The following METTL6 variants were observed in gnomAD, a reference collection of about 807,000 sequenced individuals.
METTL6 encodes methyltransferase 6, tRNA N3-cytidine.
METTL6 carries 22 observed loss-of-function variants against 26.4 expected under a neutral mutation model. That is an observed-to-expected ratio of 0.83 (90% CI 0.59 to 1.19). The LOEUF is 1.19. Ranked by LOEUF, METTL6 falls within the 50% of genes most tolerant of loss-of-function variation. The probability of loss-of-function intolerance (pLI) is 0.00; values close to 1 mark genes in which losing one functional copy is unlikely to be tolerated. For synonymous variants in METTL6, 109 were observed against 116.2 expected (o/e 0.94, Z 0.40); for missense variants, 304 against 324.8 (o/e 0.94, Z 0.49).
chr3:15,420,461 T>C (rs1437636337), intron 3 of METTL6, among the ~76,000 whole-genome samples: 8 of 152,186 alleles, frequency 5.3e-5, no homozygotes, highest in Admixed American at 1.3e-4. Flanking sequence ...CACTGAAATA[T>C]TACCTTTTGG....
intron 3 of METTL6, among the ~76,000 whole-genome samples, chr3:15,420,737 T>G (rs2061593419): frequency 6.6e-6 from 1 of 152,238 alleles, no homozygotes; most frequent in African/African-American, 2.4e-5. Flanking sequence ...GTAGAGTCAG[T>G]AACCTAATAC....
intron 6 of METTL6, among the ~76,000 whole-genome samples, chr3:15,398,197 ATT>A (rs113613716): frequency 9.6e-4 from 140 of 146,378 alleles, no homozygotes; most frequent in East Asian, 6.8e-3. Flanking sequence ...CAATGCTGAG[ATT>A]TTTTTTTTTT....
chr3:15,415,292 T>C (rs1221861374), intron 4 of METTL6, among the ~76,000 whole-genome samples: 1 of 152,258 alleles, frequency 6.6e-6, no homozygotes, highest in Non-Finnish European at 1.5e-5. Flanking sequence ...CGGAAACCAA[T>C]ACTCAACAGG....
intron 3 of METTL6, among the ~76,000 whole-genome samples, chr3:15,424,041 TACAA>T (rs2061666402): frequency 6.6e-6 from 1 of 152,104 alleles, no homozygotes; most frequent in Non-Finnish European, 1.5e-5. Flanking sequence ...ACCCCATCTC[TACAA>T]ACAATTAAAA....
chr3:15,388,089 TTTG>T (rs71632851), intron 6 of METTL6, among the ~76,000 whole-genome samples: 55,037 of 150,312 alleles, frequency 0.37, 10,289 homozygotes, highest in East Asian at 0.49. Context: ...AAATAAGAGT[TTTG>T]TTGTTGTTGT....
chr3:15,390,780 C>G (rs541644317), intron 6 of METTL6, among the ~76,000 whole-genome samples: 1 of 152,344 alleles, frequency 6.6e-6, no homozygotes, highest in South Asian at 2.1e-4. Flanking sequence ...CCTCTCAACA[C>G]CCAGGTTCTT....
chr3:15,427,078 A>G (rs1263947888), intron 1 of METTL6, among the ~76,000 whole-genome samples: 1 of 152,146 alleles, frequency 6.6e-6, no homozygotes, highest in Non-Finnish European at 1.5e-5. Flanking sequence ...GGGGGAAATG[A>G]AGCTAAGCCT....
At chr3:15,416,808 G>T (rs1299303232) in intron 3 of METTL6, among the ~76,000 whole-genome samples, 1 of 152,138 alleles carries the variant, frequency 6.6e-6, no homozygotes, top group African/African-American at 2.4e-5. Context: ...TCATGTAAAT[G>T]AGGACCTGAA....
At chr3:15,422,685 G>A (rs1383551683) in intron 3 of METTL6, among the ~76,000 whole-genome samples, 5 of 152,028 alleles carry the variant, frequency 3.3e-5, no homozygotes, top group Admixed American at 6.6e-5. Context: ...AAAGTCTAAC[G>A]AATGCTAAAA....
intron 6 of METTL6, among the ~76,000 whole-genome samples, chr3:15,393,694 T>C (rs1479462187): frequency 6.6e-6 from 1 of 152,038 alleles, no homozygotes; most frequent in Non-Finnish European, 1.5e-5. Context: ...TTATTGAGAG[T>C]TTTTAGCATG....
exon 7 of METTL6, chr3:15,384,090 A>C: frequency 5.0e-6 from 2 of 401,430 alleles, no homozygotes; most frequent in Non-Finnish European, 9.6e-6. Context: ...ACTGAAAACA[A>C]TATCATACTG....
chr3:15,414,092 T>G lies in METTL6; in HGVS notation c.602A>C (p.Lys201Thr), dbSNP rs943235556. 6.2e-7 allele frequency: 1 copy of G among 1,614,210 alleles called. No individual in the cohort carries two copies. The highest frequency in any genetic ancestry group is 1.7e-5 in the Admixed American group (1 of 60,018). ...GLYDHAMLRFKASSKLGENFY... is the reference protein window; with the variant it reads ...GLYDHAMLRFTASSKLGENFY... Reference sequence around the variant, plus strand: ...GTTTTCTCCAAGTTTGCTGCTGGCTTTAAACCTAAGCATGGCATGATCATA... The same window carrying G: ...GTTTTCTCCAAGTTTGCTGCTGGCTGTAAACCTAAGCATGGCATGATCATA... The change falls in exon 5 of 6, where the codon AAA (lysine) becomes ACA (threonine). Residue 201 changes from lysine (K) to threonine (T), a missense_variant. Transcript: ENST00000383790.
At chr3:15,399,581 T>TGTGTG (rs1553626233) in intron 6 of METTL6, 18 of 118,892 alleles carry the variant, frequency 1.5e-4, no homozygotes, top group South Asian at 1.1e-3. Context: ...TGTGTGTGTG[T>TGTGTG]TGGAGGCTGG....
At chr3:15,400,877 T>G (rs1699621315) in intron 6 of METTL6, among the ~76,000 whole-genome samples, 1 of 152,194 alleles carries the variant, frequency 6.6e-6, no homozygotes, top group Non-Finnish European at 1.5e-5. Flanking sequence ...TAAACATAAC[T>G]GAAACTATAC....
chr3:15,413,654 G>C (rs1232072112), intron 5 of METTL6: 5 of 1,183,798 alleles, frequency 4.2e-6, no homozygotes, highest in African/African-American at 3.2e-5. Context: ...CCATGGGAAA[G>C]TAATCTCAAG....
At chr3:15,388,682 G>A (rs1364159044) in intron 6 of METTL6, among the ~76,000 whole-genome samples, 1 of 152,194 alleles carries the variant, frequency 6.6e-6, no homozygotes, top group Non-Finnish European at 1.5e-5. Flanking sequence ...GCATCCAGCT[G>A]TATGACTCCT....
intron 3 of METTL6, among the ~76,000 whole-genome samples, chr3:15,423,857 C>T (rs2061661830): frequency 6.6e-6 from 1 of 152,032 alleles, no homozygotes; most frequent in Admixed American, 6.6e-5. Flanking sequence ...GCACTCTAGC[C>T]TGGGTGAGAG....
Position 15,386,176 on chromosome 3 carries a change from A to G in METTL6, c.*12-1989T>C, listed in dbSNP as rs1699187229. ...ACTGAGGGTTCCTCCCCTTTTTAGAATATGTAGGGTAACTTCCAGGCACTG... is the reference window on the plus strand; with the variant it reads ...ACTGAGGGTTCCTCCCCTTTTTAGAGTATGTAGGGTAACTTCCAGGCACTG... On this transcript the variant is annotated intron_variant, in intron 6 of 6. Transcript: ENST00000443029. Among the ~76,000 whole-genome samples the G allele has an allele frequency of 2.6e-5, 4 of 152,164 alleles. No homozygotes were observed. In the South Asian group the frequency reaches 8.3e-4, roughly 31 times the overall value.
chr3:15,425,003 G>A lies in METTL6; in HGVS notation c.312C>T (p.Ile104=). The A allele has an allele frequency of 1.2e-6, 2 of 1,614,128 alleles. No homozygotes were observed. The highest frequency in any genetic ancestry group is 1.7e-6 in the Non-Finnish European group (2 of 1,180,016). The stretch of plus-strand genomic sequence containing the variant: ...GAGAAAAATCACAGGCATAGGCAAA[G>A]ATATTCGGATCTTCTTCTAAAAGTG... ...LFPLLEEDPN[I]FAYACDFSPR... The change falls in exon 3 of 6, where the codon ATC becomes ATT. Residue 104 remains isoleucine, a synonymous_variant. Coordinates refer to ENST00000383790, the MANE Select transcript of METTL6 (RefSeq NM_152396.4).
Sources: gnomAD v4.1 joint callset for allele counts (sites outside exome capture counted in the v4.1 genomes callset) on GRCh38, gnomAD v4.1.1 for gene constraint, MANE v1.5 for transcripts, NCBI Gene and HGNC (gene_info 2026-07-23, HGNC 2026-07-21) for gene names.